The following GALNT14 variants were observed in gnomAD, a reference collection of about 807,000 sequenced individuals.
GALNT14 encodes the protein polypeptide N-acetylgalactosaminyltransferase 14.
Under a neutral mutation model 77.5 loss-of-function variants are expected in GALNT14, and 60 were observed. The observed-to-expected ratio is 0.77, with a 90% CI of 0.63 to 0.96. The LOEUF is 0.96. GALNT14 is among the 40% of genes least tolerant of loss of function. The pLI is 0.00. For synonymous variants in GALNT14, 280 were observed against 281.7 expected, an observed-to-expected ratio of 0.99 and a Z score of 0.06; for missense variants, 710 against 731.0, an observed-to-expected ratio of 0.97 and a Z score of 0.33.
chr2:30,995,666 T>A (rs1289302341), intron 1 of GALNT14, among the ~76,000 whole-genome samples: 1 of 152,138 alleles, frequency 6.6e-6, no homozygotes, highest in Non-Finnish European at 1.5e-5. Flanking sequence ...CTCATTTTTT[T>A]ACGTTTTATT....
At chr2:31,021,016 T>C (rs1270760384) in intron 1 of GALNT14, among the ~76,000 whole-genome samples, 1 of 152,134 alleles carries the variant, frequency 6.6e-6, no homozygotes, top group East Asian at 1.9e-4. Flanking sequence ...GCCACTGCTG[T>C]CAGAAAAGTA....
intron 1 of GALNT14, among the ~76,000 whole-genome samples, chr2:31,005,691 G>C (rs1670629620): frequency 1.3e-5 from 2 of 152,094 alleles, no homozygotes; most frequent in Admixed American, 1.3e-4. Context: ...ACAGATGACC[G>C]GGTGCCTCAC....
intron 9 of GALNT14, among the ~76,000 whole-genome samples, chr2:30,937,656 G>C (rs1666135467): frequency 6.6e-6 from 1 of 152,172 alleles, no homozygotes; most frequent in Admixed American, 6.5e-5. Flanking sequence ...TCCAGCCTGA[G>C]AAAGTTCTCT....
intron 2 of GALNT14, among the ~76,000 whole-genome samples, chr2:30,982,874 G>A (rs1002465351): frequency 2.0e-5 from 3 of 152,156 alleles, no homozygotes; most frequent in Non-Finnish European, 4.4e-5. Context: ...TTTTGGTTGT[G>A]CAAGAAGATT....
intron 8 of GALNT14, among the ~76,000 whole-genome samples, chr2:30,944,140 C>T (rs1033649632): frequency 1.3e-5 from 2 of 152,154 alleles, no homozygotes; most frequent in African/African-American, 2.4e-5. Flanking sequence ...CCCAAGAGGC[C>T]CGGGACTGGT....
intron 1 of GALNT14, among the ~76,000 whole-genome samples, chr2:31,045,315 C>T (rs114466957): frequency 2.4e-4 from 36 of 152,300 alleles, no homozygotes; most frequent in Non-Finnish European, 4.7e-4. Flanking sequence ...TGAGGAAACA[C>T]TGGTCTCTAA....
downstream of GALNT14, among the ~76,000 whole-genome samples, chr2:30,907,438 G>T (rs548282066): frequency 2.0e-5 from 3 of 152,172 alleles, no homozygotes; most frequent in Non-Finnish European, 2.9e-5. Context: ...AGAACTCTAC[G>T]CCAATAAACT....
chr2:31,070,495 G>A lies in GALNT14; in HGVS notation c.129+67463C>T, dbSNP rs79464599. On this transcript the variant is annotated intron_variant, in intron 1 of 14. Coordinates refer to ENST00000349752, the MANE Select transcript of GALNT14 (RefSeq NM_024572.4). The stretch of plus-strand genomic sequence containing the variant: ...TTTTACACTGAACTCAAACAAGCTT[G>A]CACTTAGGCTCCCCAAACCCTGTGA... 5.7e-4 allele frequency among the ~76,000 whole-genome samples: 87 copies of A among 152,248 alleles called. No homozygotes were observed. In the East Asian group the frequency reaches 0.016, roughly 29 times the overall value.
chr2:31,135,077 C>G (rs11675787), intron 1 of GALNT14, among the ~76,000 whole-genome samples: 44,701 of 152,048 alleles, frequency 0.29, 6,603 homozygotes, highest in African/African-American at 0.35. Flanking sequence ...GGTCCATAAG[C>G]ACACTCAAGA....
intron 1 of GALNT14, among the ~76,000 whole-genome samples, chr2:31,129,936 T>C (rs1354660291): frequency 2.0e-5 from 3 of 152,174 alleles, no homozygotes; most frequent in Non-Finnish European, 4.4e-5. Context: ...TTGCCTAGCA[T>C]GCATGCAGAT....
At chr2:31,044,176 A>G (rs373909113) in intron 1 of GALNT14, among the ~76,000 whole-genome samples, 4 of 152,230 alleles carry the variant, frequency 2.6e-5, no homozygotes, top group East Asian at 3.9e-4. Flanking sequence ...ATAGAAAGAC[A>G]GGCCTTTTGT....
intron 1 of GALNT14, among the ~76,000 whole-genome samples, chr2:31,043,570 C>T (rs999825494): frequency 6.6e-6 from 1 of 152,104 alleles, no homozygotes; most frequent in African/African-American, 2.4e-5. Context: ...CTGGTCCCTG[C>T]AGGGGCCATG....
chr2:30,916,879 C>T (rs1664712851), intron 13 of GALNT14, among the ~76,000 whole-genome samples: 1 of 151,800 alleles, frequency 6.6e-6, no homozygotes, highest in African/African-American at 2.4e-5. Context: ...GAGTTTGAGA[C>T]CAGCCTGGCC....
At chr2:30,962,149 G>A (rs1019074439) in intron 3 of GALNT14, among the ~76,000 whole-genome samples, 6 of 152,152 alleles carry the variant, frequency 3.9e-5, no homozygotes, top group African/African-American at 1.4e-4. Flanking sequence ...TCACCGCTCA[G>A]GCTCACCATA....
In GALNT14 at chr2:30,929,458, A is replaced by G; in HGVS notation, c.1088T>C (p.Met363Thr). The G allele has an allele frequency of 6.2e-7, 1 of 1,614,122 alleles. No individual in the cohort carries two copies. Among genetic ancestry groups the G allele is most frequent in the Non-Finnish European group, 8.5e-7 (1 of 1,179,970 alleles). Residue 363 changes from methionine to threonine, a missense_variant, in exon 11 of 15, where the codon ATG becomes ACG. By Grantham distance (81) the Met-to-Thr change is moderately conservative (BLOSUM62 -1). Transcript: ENST00000349752. ...GTAATAGTATTGCTTGTATTCATCC[A>G]TCCACACTTCAGCTGTCCGCTTGGT... Reference protein sequence around the residue: ...KNTKRTAEVWMDEYKQYYYAA... With the variant: ...KNTKRTAEVWTDEYKQYYYAA...
intron 1 of GALNT14, among the ~76,000 whole-genome samples, chr2:31,027,094 G>A (rs895584696): frequency 6.6e-6 from 1 of 152,184 alleles, no homozygotes; most frequent in Non-Finnish European, 1.5e-5. Context: ...CTGTATCCAG[G>A]TATGATGAGA....
At chr2:31,078,843 G>C in intron 1 of GALNT14, 2 of 1,112,898 alleles carry the variant, frequency 1.8e-6, no homozygotes, top group East Asian at 5.9e-5. Context: ...AGGCCTGGGA[G>C]AACCCAGGCA....
At chr2:30,977,495 C>T (rs1225029492) in intron 2 of GALNT14, among the ~76,000 whole-genome samples, 1 of 152,174 alleles carries the variant, frequency 6.6e-6, no homozygotes, top group African/African-American at 2.4e-5. Context: ...TAGTATCTCC[C>T]CTTGATACTC....
At chr2:31,035,805 T>C (rs1672707242) in intron 1 of GALNT14, among the ~76,000 whole-genome samples, 1 of 151,940 alleles carries the variant, frequency 6.6e-6, no homozygotes, top group African/African-American at 2.4e-5. Flanking sequence ...GGGAGCTAAA[T>C]GATGAGAACA....
Sources: gnomAD v4.1 joint callset for allele counts (sites outside exome capture counted in the v4.1 genomes callset) on GRCh38, gnomAD v4.1.1 for gene constraint, MANE v1.5 for transcripts, NCBI Gene and HGNC (gene_info 2026-07-23, HGNC 2026-07-21) for gene names.